SORBS2: variants seen among roughly 807,000 people sequenced by gnomAD.
SORBS2 encodes the protein sorbin and SH3 domain containing 2.
A neutral mutation model predicts 97.7 loss-of-function variants in SORBS2; 46 were observed. The ratio of observed to expected loss-of-function variants is 0.47; its 90% CI spans 0.37 to 0.60. The LOEUF is 0.60. Among genes scored for constraint, SORBS2 ranks in the 20% least tolerant of loss-of-function variants. The pLI, the probability that SORBS2 is intolerant of heterozygous loss-of-function variation, is 0.00. For synonymous variants in SORBS2, 476 were observed against 473.4 expected, an observed-to-expected ratio of 1.01 and a Z score of -0.07; for missense variants, 1,316 against 1,282.3, an observed-to-expected ratio of 1.03 and a Z score of -0.40.
At chr4:185,924,092 T>G (rs1412959212) in intron 1 of SORBS2, among the ~76,000 whole-genome samples, 1 of 152,178 alleles carries the variant, frequency 6.6e-6, no homozygotes, top group African/African-American at 2.4e-5. Flanking sequence ...ATTTGTGACA[T>G]GAATGAATGA....
intron 2 of SORBS2, among the ~76,000 whole-genome samples, chr4:185,765,523 C>G (rs1193590892): frequency 6.6e-6 from 1 of 152,120 alleles, no homozygotes; most frequent in South Asian, 2.1e-4. Context: ...GGATAAAAAT[C>G]TCACTGCAAT....
At chr4:185,753,001 C>T (rs946399613) in intron 2 of SORBS2, among the ~76,000 whole-genome samples, 2 of 152,142 alleles carry the variant, frequency 1.3e-5, no homozygotes, top group African/African-American at 4.8e-5. Context: ...TATACAAAGC[C>T]GCTGCTACTA....
intron 1 of SORBS2, among the ~76,000 whole-genome samples, chr4:185,887,294 TGGAG>T (rs2099240161): frequency 6.6e-6 from 1 of 152,232 alleles, no homozygotes; most frequent in South Asian, 2.1e-4. Context: ...GCTCTGTGTA[TGGAG>T]GAAGTCTTTG....
intron 4 of SORBS2, among the ~76,000 whole-genome samples, chr4:185,668,002 T>C (rs2097646572): frequency 6.6e-6 from 1 of 152,198 alleles, no homozygotes. Context: ...TTACTAAGGA[T>C]GTTTCCATGT....
intron 2 of SORBS2, among the ~76,000 whole-genome samples, chr4:185,742,434 G>A (rs112507508): frequency 5.9e-5 from 9 of 152,252 alleles, no homozygotes; most frequent in East Asian, 3.9e-4. Flanking sequence ...TCTTCTATCC[G>A]TTTGTTCATT....
chr4:185,815,714 C>T (rs751596984), intron 1 of SORBS2, among the ~76,000 whole-genome samples: 5 of 151,966 alleles, frequency 3.3e-5, no homozygotes, highest in East Asian at 1.9e-4. Flanking sequence ...TAAGTTATAC[C>T]GTATGCACAC....
exon 7 of SORBS2, chr4:185,624,017 G>T: frequency 6.2e-7 from 1 of 1,614,180 alleles, no homozygotes; most frequent in Admixed American, 1.7e-5. Flanking sequence ...GATCACCTCG[G>T]AGTTCATCAG....
chr4:185,638,776 G>A, intron 4 of SORBS2, 101 bp downstream of exon 14: 1 of 1,163,944 alleles, frequency 8.6e-7, no homozygotes. Context: ...ATGGGTGCGA[G>A]CGGGACCCGG....
intron 1 of SORBS2, among the ~76,000 whole-genome samples, chr4:185,838,510 G>A (rs1474730674): frequency 6.6e-6 from 1 of 152,220 alleles, no homozygotes; most frequent in Non-Finnish European, 1.5e-5. Flanking sequence ...AGAGGACACA[G>A]AGGGCAGAGC....
chr4:185,587,440 C>A, exon 15 of SORBS2: 1 of 600,370 alleles, frequency 1.7e-6, no homozygotes, highest in Non-Finnish European at 3.0e-6. Flanking sequence ...GGGGGACCAG[C>A]CTGCCATGTC....
At chr4:185,693,867 CG>C (rs2098132984) in intron 2 of SORBS2, among the ~76,000 whole-genome samples, 1 of 152,092 alleles carries the variant, frequency 6.6e-6, no homozygotes, top group South Asian at 2.1e-4. Context: ...ATAGGATTAA[CG>C]AGAACAAAGA....
chr4:185,669,001 CAA>C (rs1421464680), intron 4 of SORBS2, among the ~76,000 whole-genome samples: 2 of 152,174 alleles, frequency 1.3e-5, no homozygotes, highest in Non-Finnish European at 2.9e-5. Context: ...CTTCATATAC[CAA>C]GAGAGAGCAC....
At chr4:185,694,924 C>A (rs1210642020) in intron 2 of SORBS2, among the ~76,000 whole-genome samples, 2 of 151,768 alleles carry the variant, frequency 1.3e-5, no homozygotes, top group Non-Finnish European at 2.9e-5. Context: ...TCAGGCTGGT[C>A]TCAAACTCCT....
intron 14 of SORBS2, among the ~76,000 whole-genome samples, chr4:185,588,514 A>G (rs1048837192): frequency 3.3e-5 from 5 of 151,420 alleles, no homozygotes; most frequent in Admixed American, 2.6e-4. Context: ...TCTGTCTCCT[A>G]TATCCTGGCA....
intron 12 of SORBS2, among the ~76,000 whole-genome samples, chr4:185,609,173 G>A (rs1369609752): frequency 1.3e-5 from 2 of 152,086 alleles, no homozygotes; most frequent in East Asian, 1.9e-4. Context: ...TAGATGCTGA[G>A]TTTTCAATGA....
chr4:185,587,384 C>G (rs934087814), exon 15 of SORBS2: 1 of 369,662 alleles, frequency 2.7e-6, no homozygotes, highest in Non-Finnish European at 4.8e-6. Context: ...CACATTTTGA[C>G]GTGTCAAAGC....
chr4:185,926,066 G>A lies in SORBS2; in HGVS notation c.-338+30130C>T, dbSNP rs530701724. Among the ~76,000 whole-genome samples the A allele has an allele frequency of 2.0e-5, 3 of 152,310 alleles. No homozygotes were observed. In the East Asian group the frequency reaches 5.8e-4, roughly 29 times the overall value. ...ACCCTTCCTGGAGTGCAGACAGCGA[G>A]GTGGAGAGTAAGCTGAAACAGAGCT... is the stretch of plus-strand genomic sequence containing the variant. On this transcript the variant is annotated intron_variant, in intron 1 of 20. Coordinates refer to the SORBS2 transcript ENST00000284776.
intron 1 of SORBS2, chr4:185,811,023 T>A (rs571372847): frequency 6.6e-6 from 1 of 152,332 alleles, no homozygotes; most frequent in Non-Finnish European, 1.5e-5. Flanking sequence ...GGGGGTCTTG[T>A]GCTCTGGGCC....
intron 13 of SORBS2, chr4:185,591,830 A>G (rs879425730): frequency 6.6e-6 from 1 of 152,242 alleles, no homozygotes; most frequent in Non-Finnish European, 1.5e-5. Flanking sequence ...AAATTGGCAC[A>G]GACTCCTGCT....
Sources: allele counts gnomAD v4.1 joint callset (sites outside exome capture counted in the v4.1 genomes callset), GRCh38; gene constraint gnomAD v4.1.1; transcripts MANE v1.5; gene names NCBI Gene and HGNC (gene_info 2026-07-23, HGNC 2026-07-21).